Variants in DLG2 observed in about 807,000 individuals in gnomAD.
DLG2 encodes the protein disks large homolog 2.
DLG2 carries 45 observed loss-of-function variants against 132.5 expected under a neutral mutation model. The ratio of observed to expected loss-of-function variants is 0.34; its 90% confidence interval spans 0.27 to 0.44. DLG2 has a LOEUF of 0.44. Among genes scored for constraint, DLG2 ranks in the 20% least tolerant of loss-of-function variants. The probability of loss-of-function intolerance (pLI) is 1.00; values close to 1 mark genes in which losing one functional copy is unlikely to be tolerated. For synonymous variants in DLG2, 424 were observed against 419.6 expected, an observed-to-expected ratio of 1.01 and a Z score of -0.13; for missense variants, 1,045 against 1,196.9, an observed-to-expected ratio of 0.87 and a Z score of 1.87.
At chr11:83,600,498 G>T (rs2058367852) in intron 19 of DLG2, among the ~76,000 whole-genome samples, 1 of 152,186 alleles carries the variant, frequency 6.6e-6, no homozygotes, top group Non-Finnish European at 1.5e-5. Context: ...CTTGTTTGAT[G>T]CTGTGGATTA....
intron 8 of DLG2, among the ~76,000 whole-genome samples, chr11:84,163,869 T>C (rs2095603693): frequency 6.6e-6 from 1 of 152,152 alleles, no homozygotes; most frequent in African/African-American, 2.4e-5. Context: ...TTTTAAAAAA[T>C]GTTATGTTTG....
chr11:85,371,534 T>C (rs1172057863), intron 3 of DLG2, among the ~76,000 whole-genome samples: 1 of 152,220 alleles, frequency 6.6e-6, no homozygotes. Flanking sequence ...GAGAAAGTAG[T>C]TATTTTACCA....
chr11:83,803,078 C>A (rs1473955908), intron 17 of DLG2, among the ~76,000 whole-genome samples: 4 of 151,990 alleles, frequency 2.6e-5, no homozygotes, highest in African/African-American at 9.7e-5. Context: ...GTTATGTAGG[C>A]AAATTTAAAA....
chr11:83,755,474 A>G (rs2093608121), intron 18 of DLG2, among the ~76,000 whole-genome samples: 1 of 151,342 alleles, frequency 6.6e-6, no homozygotes, highest in Non-Finnish European at 1.5e-5. Flanking sequence ...AAGAATCTAG[A>G]CAGTATATTT....
intron 6 of DLG2, among the ~76,000 whole-genome samples, chr11:84,714,636 TC>T (rs1368480050): frequency 6.9e-6 from 1 of 145,388 alleles, no homozygotes; most frequent in Non-Finnish European, 1.5e-5. Flanking sequence ...TCTCTCTCTC[TC>T]TCTCTCTCTT....
intron 6 of DLG2, among the ~76,000 whole-genome samples, chr11:84,919,400 T>C (rs1332964153): frequency 6.6e-6 from 1 of 152,194 alleles, no homozygotes; most frequent in East Asian, 1.9e-4. Flanking sequence ...ACCATTCTGT[T>C]ACACTCTTTT....
intron 11 of DLG2, among the ~76,000 whole-genome samples, chr11:83,992,089 C>A (rs1438084784): frequency 6.6e-6 from 1 of 152,112 alleles, no homozygotes; most frequent in South Asian, 2.1e-4. Flanking sequence ...AGGGAAGAAG[C>A]GTGGAACAAA....
At chr11:83,998,391 T>C (rs551162614) in intron 11 of DLG2, among the ~76,000 whole-genome samples, 4 of 152,294 alleles carry the variant, frequency 2.6e-5, no homozygotes, top group Admixed American at 1.3e-4. Flanking sequence ...AGAACCAAAG[T>C]AGTGAGTAGA....
At chr11:83,721,142 A>G (rs1297135537) in intron 18 of DLG2, among the ~76,000 whole-genome samples, 2 of 152,158 alleles carry the variant, frequency 1.3e-5, no homozygotes, top group Non-Finnish European at 2.9e-5. Context: ...TATACAGGTG[A>G]GAAGAGAAGG....
At chr11:85,106,368 C>T (rs975138001) in intron 6 of DLG2, among the ~76,000 whole-genome samples, 4 of 151,940 alleles carry the variant, frequency 2.6e-5, no homozygotes, top group Non-Finnish European at 5.9e-5. Context: ...TCGGTTCCTG[C>T]CAGTCATAGA....
In DLG2 at chr11:83,499,852, G is replaced by GATATATATAT. The variant is rs60890814; in HGVS notation, c.2194-15634_2194-15625dup. Among the ~76,000 whole-genome samples, 77 of 61,610 alleles carry GATATATATAT rather than the reference G, an allele frequency of 1.2e-3. 1 individual carries two copies. Among genetic ancestry groups the GATATATATAT allele is most frequent in the East Asian group, 3.5e-3 (4 of 1,150 alleles). The allele number at this position is 61,610 out of a possible 152,430, so 40.4% of individuals were successfully genotyped here. On this transcript the variant is annotated intron_variant, in intron 21 of 27. Transcript: ENST00000376104. Reference sequence around the variant, plus strand: ...ATATATATTTCCTCCACTAATAGGAGATATATATATATATATATATATATA... The same window carrying GATATATATAT: ...ATATATATTTCCTCCACTAATAGGAGATATATATATATATATATATATATATATATATATA...
intron 18 of DLG2, among the ~76,000 whole-genome samples, chr11:83,749,288 AT>A (rs1388134948): frequency 6.6e-6 from 1 of 152,120 alleles, no homozygotes; most frequent in Admixed American, 6.5e-5. Context: ...TTCAGAAATA[AT>A]TTTATTGCAT....
At chr11:83,948,367 A>G (rs2084598045) in intron 14 of DLG2, among the ~76,000 whole-genome samples, 1 of 152,136 alleles carries the variant, frequency 6.6e-6, no homozygotes, top group South Asian at 2.1e-4. Flanking sequence ...TTCTTTCAGC[A>G]AATGCTTATT....
At chr11:84,639,348 GT>G (rs550030032) in intron 6 of DLG2, among the ~76,000 whole-genome samples, 18,862 of 126,560 alleles carry the variant, frequency 0.15, 972 homozygotes, top group South Asian at 0.2. Context: ...AGATATCTGT[GT>G]TTTTTTTTTT....
intron 6 of DLG2, among the ~76,000 whole-genome samples, chr11:84,954,862 G>A (rs564272124): frequency 6.6e-6 from 1 of 152,274 alleles, no homozygotes; most frequent in African/African-American, 2.4e-5. Flanking sequence ...CTAAGCCTAT[G>A]TACCATACTG....
At chr11:83,672,223 G>T (rs2076948647) in intron 18 of DLG2, among the ~76,000 whole-genome samples, 1 of 149,816 alleles carries the variant, frequency 6.7e-6, no homozygotes, top group Admixed American at 6.7e-5. Flanking sequence ...TTTCGCTCTT[G>T]TTGCCCAGGC....
chr11:84,334,618 A>T (rs1436856351), intron 7 of DLG2, among the ~76,000 whole-genome samples: 1 of 151,974 alleles, frequency 6.6e-6, no homozygotes, highest in African/African-American at 2.4e-5. Flanking sequence ...TCATTTGTTC[A>T]ACAAATATTA....
chr11:84,151,361 G>A (rs954915652), intron 9 of DLG2, among the ~76,000 whole-genome samples: 1 of 152,096 alleles, frequency 6.6e-6, no homozygotes, highest in African/African-American at 2.4e-5. Context: ...AACAGTCTCT[G>A]AGGATCTTTT....
At chr11:84,130,328 A>G (rs959644027) in intron 9 of DLG2, among the ~76,000 whole-genome samples, 2 of 152,140 alleles carry the variant, frequency 1.3e-5, no homozygotes, top group East Asian at 3.9e-4. Flanking sequence ...CCTTGGAAAC[A>G]AGAGAAGAAA....
Sources: gnomAD v4.1 joint callset for allele counts (sites outside exome capture counted in the v4.1 genomes callset) on GRCh38, gnomAD v4.1.1 for gene constraint, MANE v1.5 for transcripts, NCBI Gene and HGNC (gene_info 2026-07-23, HGNC 2026-07-21) for gene names.